Variants in KLHL1 observed in about 807,000 individuals in gnomAD.
KLHL1 encodes the protein kelch like family member 1, also known as kelch-like protein 1.
Under a neutral mutation model 77.7 loss-of-function variants are expected in KLHL1, and 47 were observed. The observed-to-expected ratio is 0.60, with a 90% confidence interval of 0.48 to 0.77. The LOEUF (loss-of-function observed/expected upper bound fraction) is 0.77, where lower values mean the gene tolerates loss of function less well. KLHL1 is among the 30% of genes least tolerant of loss of function. KLHL1 has a pLI of 0.00. For synonymous variants in KLHL1, 360 were observed against 325.2 expected (o/e 1.11, Z -1.15); for missense variants, 925 against 910.8 (o/e 1.02, Z -0.20).
At chr13:69,712,360 A>G (rs1875915342) in intron 9 of KLHL1, among the ~76,000 whole-genome samples, 1 of 151,942 alleles carries the variant, frequency 6.6e-6, no homozygotes, top group African/African-American at 2.4e-5. Context: ...TTGATATTTA[A>G]TGTGATATGC....
At chr13:69,721,089 A>ATATATATATATACAAATT (rs1256189383) in intron 8 of KLHL1, among the ~76,000 whole-genome samples, 1 of 77,980 alleles carries the variant, frequency 1.3e-5, no homozygotes, top group Non-Finnish European at 2.9e-5. Flanking sequence ...AAAGCTATGT[A>ATATATATATATACAAATT]CCTCCCTTAC....
rs10549532 is a variant in KLHL1, at chr13:69,996,910, A to ATTTTTTTTTTT, written c.498-21119_498-21109dup. Among the ~76,000 whole-genome samples the ATTTTTTTTTTT allele has an allele frequency of 5.1e-3, 366 of 71,218 alleles. 24 individuals carry two copies. Among genetic ancestry groups the ATTTTTTTTTTT allele is most frequent in the African/African-American group, 0.01 (180 of 17,752 alleles). 46.7% of individuals were successfully genotyped at this position (71,218 alleles called of 152,430 possible). On this transcript the variant is annotated intron_variant, in intron 1 of 10. Coordinates refer to ENST00000377844, the MANE Select transcript of KLHL1 (RefSeq NM_020866.3). ...GAAAAGTTCTTATTTTATTCATTAA[A>ATTTTTTTTTTT]TTTTTTTTTTTTTTTTTTTTTTTTT...
chr13:69,857,475 A>G (rs1879965589), intron 5 of KLHL1, among the ~76,000 whole-genome samples: 1 of 152,064 alleles, frequency 6.6e-6, no homozygotes, highest in South Asian at 2.1e-4. Flanking sequence ...AAGGTCTGCC[A>G]CAGAGTTGAC....
Position 69,975,581 on chromosome 13 carries a change from A to C in KLHL1, c.680+39T>G, listed in dbSNP as rs374827295. On this transcript the variant is annotated intron_variant, in intron 2 of 10. Coordinates refer to ENST00000377844, the MANE Select transcript of KLHL1 (RefSeq NM_020866.3). ...GCATGCCAGTCTGGCACTTTTAAAC[A>C]TGTGAATGCATGTTTCCAGTAGAGG... is the stretch of plus-strand genomic sequence containing the variant. 9.1e-4 allele frequency: 1,413 copies of C among 1,559,728 alleles called. 2 individuals are homozygous for C. The highest frequency in any genetic ancestry group is 1.2e-3 in the Non-Finnish European group (1,322 of 1,148,462).
At chr13:69,774,181 G>A (rs1372656928) in intron 7 of KLHL1, among the ~76,000 whole-genome samples, 2 of 151,778 alleles carry the variant, frequency 1.3e-5, no homozygotes, top group African/African-American at 2.4e-5. Context: ...CAGTAAAGGA[G>A]AAAAATTAAT....
rs2137862366 is a variant in KLHL1, at chr13:69,701,348, A to G, written c.*354T>C. On this transcript the variant is annotated 3_prime_UTR_variant, in exon 11 of 11. Transcript: ENST00000377844. ...CCATAGACTATAAAATGATTGAATG[A>G]GTTGTGGTCATGAAACTATCCATGT... 1 of 186,014 alleles carries G rather than the reference A, an allele frequency of 5.4e-6. No homozygotes were observed. Among genetic ancestry groups the G allele is most frequent in the Non-Finnish European group, 1.1e-5 (1 of 90,760 alleles). The allele number at this position is 186,014 out of a possible 1,614,324, so 11.5% of individuals were successfully genotyped here.
intron 5 of KLHL1, among the ~76,000 whole-genome samples, chr13:69,867,919 G>A (rs546585423): frequency 1.3e-4 from 20 of 151,638 alleles, no homozygotes; most frequent in Non-Finnish European, 2.4e-4. Context: ...GAGTTAATGG[G>A]TGCAGCACAC....
At chr13:69,968,802 T>C (rs1377638897) in intron 2 of KLHL1, among the ~76,000 whole-genome samples, 1 of 151,510 alleles carries the variant, frequency 6.6e-6, no homozygotes, top group Non-Finnish European at 1.5e-5. Flanking sequence ...CCACATTTTC[T>C]TAATCGAGCC....
chr13:69,976,584 A>C (rs577044878), intron 1 of KLHL1, among the ~76,000 whole-genome samples: 1 of 152,186 alleles, frequency 6.6e-6, no homozygotes, highest in East Asian at 1.9e-4. Flanking sequence ...CAGCAGACCC[A>C]ATCAAGTGTT....
chr13:69,746,763 A>G (rs1428668582), intron 7 of KLHL1, among the ~76,000 whole-genome samples: 2 of 152,004 alleles, frequency 1.3e-5, no homozygotes, highest in Non-Finnish European at 2.9e-5. Context: ...TAAGGCTCAC[A>G]CAAATGAGAG....
At chr13:69,730,828 C>T (rs911416769) in intron 8 of KLHL1, among the ~76,000 whole-genome samples, 1 of 152,128 alleles carries the variant, frequency 6.6e-6, no homozygotes, top group Non-Finnish European at 1.5e-5. Context: ...AATCCTCTCA[C>T]CTCGGCCTCC....
At position 69,973,681 on chromosome 13, in the gene KLHL1, G is replaced by C. The variant is rs144139347; in HGVS notation, c.680+1939C>G. On this transcript the variant is annotated intron_variant, in intron 2 of 10. Transcript: ENST00000377844. ...TTCATCTTGCAAAAGTATCAGTAAA[G>C]TAGTATCAAATACCTGCAATGATTC... Among the ~76,000 whole-genome samples, 268 of 152,086 alleles carry C rather than the reference G, an allele frequency of 1.8e-3. 2 individuals are homozygous for C. The highest frequency in any genetic ancestry group is 6.3e-3 in the African/African-American group (261 of 41,544).
intron 5 of KLHL1, 118 bp from the exon 6 acceptor site, chr13:69,839,280 G>A: frequency 6.8e-6 from 4 of 588,082 alleles, no homozygotes; most frequent in Non-Finnish European, 8.4e-6. Flanking sequence ...CAGGATGCAG[G>A]GTGTAGTAAG....
intron 6 of KLHL1, among the ~76,000 whole-genome samples, chr13:69,805,439 G>T (rs527472620): frequency 6.6e-6 from 1 of 151,838 alleles, no homozygotes; most frequent in Non-Finnish European, 1.5e-5. Flanking sequence ...CATTTCTATT[G>T]TATGTATTAC....
chr13:70,066,395 TTAAG>T (rs1239116540), intron 1 of KLHL1, among the ~76,000 whole-genome samples: 7 of 152,186 alleles, frequency 4.6e-5, no homozygotes, highest in African/African-American at 9.7e-5. Context: ...AGATAAGAAC[TTAAG>T]TAAGACATGT....
chr13:69,811,869 A>AT (rs1252462394), intron 6 of KLHL1, among the ~76,000 whole-genome samples: 2 of 152,040 alleles, frequency 1.3e-5, no homozygotes, highest in East Asian at 1.9e-4. Context: ...GGATTCATTG[A>AT]TTTTTTGAAG....
At chr13:69,955,230 T>A (rs1883829512) in intron 3 of KLHL1, among the ~76,000 whole-genome samples, 1 of 151,388 alleles carries the variant, frequency 6.6e-6, no homozygotes, top group Non-Finnish European at 1.5e-5. Context: ...CAGGCTGATA[T>A]ACACTTTTTA....
At chr13:69,919,656 A>G (rs1304491479) in intron 4 of KLHL1, among the ~76,000 whole-genome samples, 1 of 151,998 alleles carries the variant, frequency 6.6e-6, no homozygotes, top group Admixed American at 6.6e-5. Context: ...TGAGATTTCA[A>G]CCTTGCCCCA....
At chr13:69,849,035 G>A (rs1048317246) in intron 5 of KLHL1, among the ~76,000 whole-genome samples, 4 of 151,388 alleles carry the variant, frequency 2.6e-5, no homozygotes, top group Non-Finnish European at 4.4e-5. Context: ...TATGAACATC[G>A]CCTTCATCCT....
Sources: gnomAD v4.1 joint callset for allele counts (sites outside exome capture counted in the v4.1 genomes callset) on GRCh38, gnomAD v4.1.1 for gene constraint, MANE v1.5 for transcripts, NCBI Gene and HGNC (gene_info 2026-07-23, HGNC 2026-07-21) for gene names.